GRM8: variants seen among roughly 807,000 people sequenced by gnomAD.
GRM8 encodes the protein metabotropic glutamate receptor 8.
GRM8 carries 47 observed loss-of-function variants against 87.2 expected under a neutral mutation model. The observed-to-expected ratio is 0.54, with a 90% CI of 0.43 to 0.69. The LOEUF is 0.69. Ranked by LOEUF, GRM8 falls within the 30% of genes least tolerant of loss-of-function variation. GRM8 has a pLI of 0.00. For synonymous variants in GRM8, 396 were observed against 404.5 expected, an observed-to-expected ratio of 0.98 and a Z score of 0.25; for missense variants, 1,019 against 1,139.2, an observed-to-expected ratio of 0.89 and a Z score of 1.52.
chr7:127,110,551 TACTC>T (rs1227732189), intron 2 of GRM8, among the ~76,000 whole-genome samples: 1 of 152,232 alleles, frequency 6.6e-6, no homozygotes, highest in African/African-American at 2.4e-5. Flanking sequence ...ATATTTCTAT[TACTC>T]AAATGAAGCG....
intron 7 of GRM8, among the ~76,000 whole-genome samples, chr7:126,625,787 T>C (rs751404075): frequency 1.3e-5 from 2 of 152,068 alleles, no homozygotes; most frequent in Non-Finnish European, 2.9e-5. Context: ...ACAGAGACTA[T>C]TAAAATATCA....
chr7:127,058,132 G>A (rs770921421), intron 3 of GRM8: 28 of 519,814 alleles, frequency 5.4e-5, no homozygotes, highest in Admixed American at 3.6e-4. Flanking sequence ...ACGTGATGAC[G>A]CTGTGCCATC....
At chr7:126,482,275 T>C (rs896760004) in intron 9 of GRM8, among the ~76,000 whole-genome samples, 1 of 152,058 alleles carries the variant, frequency 6.6e-6, no homozygotes, top group Non-Finnish European at 1.5e-5. Context: ...AGAATTACTA[T>C]ATAACCCAGC....
chr7:127,073,535 A>AC (rs996336994), intron 3 of GRM8, among the ~76,000 whole-genome samples: 7 of 151,976 alleles, frequency 4.6e-5, no homozygotes, highest in Non-Finnish European at 7.4e-5. Flanking sequence ...CTCGTTTATT[A>AC]CCCCCCAATG....
At chr7:126,566,261 T>C (rs1753933745) in intron 8 of GRM8, among the ~76,000 whole-genome samples, 2 of 152,100 alleles carry the variant, frequency 1.3e-5, no homozygotes. Context: ...GAAAACATAC[T>C]TGAAAGTGAT....
chr7:126,798,778 G>T (rs1343761781), intron 6 of GRM8, among the ~76,000 whole-genome samples: 1 of 152,150 alleles, frequency 6.6e-6, no homozygotes, highest in African/African-American at 2.4e-5. Flanking sequence ...CAGATGACTG[G>T]CATTTGCACA....
intron 3 of GRM8, among the ~76,000 whole-genome samples, chr7:126,992,833 G>A (rs868405808): frequency 1.6e-4 from 24 of 148,358 alleles, no homozygotes; most frequent in Admixed American, 1.1e-3. Context: ...GTGTGTATGT[G>A]TGTGTGTGTG....
At chr7:126,608,640 AT>A (rs369443391) in intron 8 of GRM8, among the ~76,000 whole-genome samples, 10 of 152,280 alleles carry the variant, frequency 6.6e-5, no homozygotes, top group African/African-American at 2.4e-4. Flanking sequence ...CCTTAGATAC[AT>A]CAACCTTCCC....
chr7:126,759,502 C>T (rs1817368213), intron 7 of GRM8, among the ~76,000 whole-genome samples: 1 of 152,120 alleles, frequency 6.6e-6, no homozygotes, highest in South Asian at 2.1e-4. Context: ...CAGTAAAGTA[C>T]TTTCCTATTT....
At chr7:126,754,633 A>G (rs1816799504) in intron 7 of GRM8, among the ~76,000 whole-genome samples, 1 of 151,910 alleles carries the variant, frequency 6.6e-6, no homozygotes, top group Non-Finnish European at 1.5e-5. Flanking sequence ...TTCTTTACAT[A>G]TATCATTTTA....
intron 2 of GRM8, among the ~76,000 whole-genome samples, chr7:127,138,327 C>T (rs1479860547): frequency 6.6e-6 from 1 of 152,078 alleles, no homozygotes; most frequent in African/African-American, 2.4e-5. Flanking sequence ...CTATACACAT[C>T]ATCTCTTAGA....
At chr7:126,451,252 A>C (rs1802586144) in intron 9 of GRM8, among the ~76,000 whole-genome samples, 2 of 151,790 alleles carry the variant, frequency 1.3e-5, no homozygotes, top group South Asian at 4.1e-4. Flanking sequence ...TTGATCTCCC[A>C]GTGGTCTACC....
rs1037716746 is a variant in GRM8, at chr7:127,111,993, A to C, written c.511-5281T>G. Among the ~76,000 whole-genome samples, 52 of 150,482 alleles carry C rather than the reference A, an allele frequency of 3.5e-4. 1 individual carries two copies. The highest frequency in any genetic ancestry group is 1.3e-3 in the African/African-American group (51 of 40,534). ...CAGGGAGCCGAAATCACACCATTGCAATCCTGGGCACCAAGAGCAAAACTC... is the reference window on the plus strand; with the variant it reads ...CAGGGAGCCGAAATCACACCATTGCCATCCTGGGCACCAAGAGCAAAACTC... On this transcript the variant is annotated intron_variant, in intron 2 of 10. Coordinates refer to ENST00000339582, the MANE Select transcript of GRM8 (RefSeq NM_000845.3).
At chr7:127,113,973 T>A (rs1381091202) in intron 2 of GRM8, among the ~76,000 whole-genome samples, 1 of 152,030 alleles carries the variant, frequency 6.6e-6, no homozygotes, top group East Asian at 1.9e-4. Context: ...CCTCCCACCT[T>A]CATGAAAACA....
chr7:126,606,572 A>G (rs369419079), intron 8 of GRM8, among the ~76,000 whole-genome samples: 2 of 152,050 alleles, frequency 1.3e-5, no homozygotes, highest in East Asian at 1.9e-4. Flanking sequence ...GACTAATCCA[A>G]CTCCTAAGGA....
chr7:127,069,188 C>T (rs571498969), intron 3 of GRM8, among the ~76,000 whole-genome samples: 64 of 152,238 alleles, frequency 4.2e-4, no homozygotes, highest in African/African-American at 1.3e-3. Flanking sequence ...TTAAAGACAG[C>T]GTCTCACTCT....
At chr7:127,150,775 G>T (rs1303857944) in intron 2 of GRM8, among the ~76,000 whole-genome samples, 1 of 151,970 alleles carries the variant, frequency 6.6e-6, no homozygotes, top group African/African-American at 2.4e-5. Context: ...GTCTGTATGG[G>T]TCTTATTACA....
chr7:126,725,355 A>G (rs751891261), intron 7 of GRM8, among the ~76,000 whole-genome samples: 2 of 152,192 alleles, frequency 1.3e-5, no homozygotes, highest in Non-Finnish European at 2.9e-5. Context: ...AGACCTCACA[A>G]ATAGAAGCAG....
At chr7:127,205,068 CTG>C (rs990873819) in intron 2 of GRM8, among the ~76,000 whole-genome samples, 1 of 152,216 alleles carries the variant, frequency 6.6e-6, no homozygotes, top group Non-Finnish European at 1.5e-5. Context: ...AAAGACAAAA[CTG>C]TGCTGATCCT....
Sources: gnomAD v4.1 joint callset for allele counts (sites outside exome capture counted in the v4.1 genomes callset) on GRCh38, gnomAD v4.1.1 for gene constraint, MANE v1.5 for transcripts, NCBI Gene and HGNC (gene_info 2026-07-23, HGNC 2026-07-21) for gene names.